Variants in CPQ observed in about 807,000 individuals in gnomAD.
CPQ encodes carboxypeptidase Q, also known as Ser-Met dipeptidase.
Under a neutral mutation model 45.7 loss-of-function variants are expected in CPQ, and 37 were observed. The observed-to-expected ratio is 0.81, with a 90% CI of 0.62 to 1.07. The LOEUF (loss-of-function observed/expected upper bound fraction) is 1.07, where lower values mean the gene tolerates loss of function less well. Ranked by LOEUF, CPQ falls within the 50% of genes least tolerant of loss-of-function variation. CPQ has a pLI of 0.00. For synonymous variants in CPQ, 186 were observed against 205.8 expected (o/e 0.90, Z 0.82); for missense variants, 537 against 572.9 (o/e 0.94, Z 0.64).
chr8:96,756,608 TC>T (rs1241340417), intron 1 of CPQ, among the ~76,000 whole-genome samples: 7 of 152,142 alleles, frequency 4.6e-5, no homozygotes, highest in Non-Finnish European at 1.5e-5. Flanking sequence ...ATGGATTTTC[TC>T]TTTCTATTTT....
chr8:96,980,685 T>A (rs1407786472), intron 5 of CPQ, among the ~76,000 whole-genome samples: 2 of 152,128 alleles, frequency 1.3e-5, no homozygotes, highest in Admixed American at 1.3e-4. Context: ...AAAGTTCAGC[T>A]TGGTCAGGGG....
intron 5 of CPQ, among the ~76,000 whole-genome samples, chr8:96,976,535 T>C (rs1813790596): frequency 6.6e-6 from 1 of 152,044 alleles, no homozygotes; most frequent in African/African-American, 2.4e-5. Context: ...AGAGCCCGCA[T>C]AGCCAAAGCA....
chr8:97,131,535 T>G (rs571187085), intron 7 of CPQ, among the ~76,000 whole-genome samples: 2 of 152,314 alleles, frequency 1.3e-5, no homozygotes, highest in South Asian at 4.1e-4. Context: ...ACCTTGACCC[T>G]GTGATATCTG....
At chr8:96,927,503 T>C (rs1563531148) in intron 4 of CPQ, among the ~76,000 whole-genome samples, 2 of 152,152 alleles carry the variant, frequency 1.3e-5, no homozygotes, top group Admixed American at 6.6e-5. Context: ...AGGGGCTCCA[T>C]TCACATTATT....
At chr8:96,969,564 G>A (rs1015740079) in intron 5 of CPQ, among the ~76,000 whole-genome samples, 2 of 151,502 alleles carry the variant, frequency 1.3e-5, no homozygotes, top group Admixed American at 6.6e-5. Context: ...CTTTCATAAA[G>A]ATAAATAGAA....
chr8:97,134,565 C>G (rs1043326971), intron 7 of CPQ, among the ~76,000 whole-genome samples: 25 of 152,262 alleles, frequency 1.6e-4, no homozygotes, highest in Admixed American at 9.2e-4. Context: ...TCCAGGATAC[C>G]TCCGACCCAA....
Position 96,992,354 on chromosome 8 carries a change from C to T in CPQ, c.961+26308C>T, listed in dbSNP as rs376611481. Among the ~76,000 whole-genome samples, 32 of 152,218 alleles carry T rather than the reference C, an allele frequency of 2.1e-4. 1 individual carries two copies. The East Asian group carries it at 3.5e-3, about 17-fold the overall frequency. On this transcript the variant is annotated intron_variant, in intron 5 of 7. Transcript: ENST00000220763. The stretch of plus-strand genomic sequence containing the variant: ...ACTGAGGAGAAAGCAGGGCCTTTAG[C>T]ATCAGACAGGTCTACTTTTGGAAGC...
intron 7 of CPQ, among the ~76,000 whole-genome samples, chr8:97,122,418 C>A (rs1435541176): frequency 1.3e-5 from 2 of 151,962 alleles, no homozygotes; most frequent in Non-Finnish European, 2.9e-5. Context: ...ACCTAGAATT[C>A]TATAATCAGC....
At chr8:96,740,300 G>A (rs1023677808) in intron 1 of CPQ, among the ~76,000 whole-genome samples, 1 of 152,106 alleles carries the variant, frequency 6.6e-6, no homozygotes, top group African/African-American at 2.4e-5. Context: ...TGTGATTTTT[G>A]TACCTTGATT....
chr8:97,089,509 GT>G (rs777041019), intron 7 of CPQ, among the ~76,000 whole-genome samples: 2 of 152,010 alleles, frequency 1.3e-5, no homozygotes, highest in Non-Finnish European at 2.9e-5. Context: ...TTTTCTATTA[GT>G]ACAGGAATCC....
At chr8:96,681,527 A>T (rs117624171) in intron 1 of CPQ, among the ~76,000 whole-genome samples, 7,561 of 152,334 alleles carry the variant, frequency 0.05, 252 homozygotes, top group Middle Eastern at 0.12. Context: ...GCCTGGCTGC[A>T]CAGGCAGAAG....
chr8:96,925,355 A>G (rs1418684281), intron 4 of CPQ, among the ~76,000 whole-genome samples: 1 of 150,982 alleles, frequency 6.6e-6, no homozygotes. Context: ...GATTTAAACC[A>G]GAGCCTTTGG....
intron 4 of CPQ, among the ~76,000 whole-genome samples, chr8:96,947,895 C>T (rs770705533): frequency 4.6e-5 from 7 of 152,044 alleles, no homozygotes; most frequent in Non-Finnish European, 1.0e-4. Flanking sequence ...ACCCGGAAAC[C>T]CTGCTTCAAA....
chr8:96,840,271 G>T (rs1811589200), intron 3 of CPQ, among the ~76,000 whole-genome samples: 1 of 152,188 alleles, frequency 6.6e-6, no homozygotes, highest in Non-Finnish European at 1.5e-5. Flanking sequence ...CTCCTAGGGG[G>T]TCAGAGAAAT....
intron 4 of CPQ, among the ~76,000 whole-genome samples, chr8:96,880,431 T>C (rs935518853): frequency 1.3e-5 from 2 of 150,928 alleles, no homozygotes; most frequent in African/African-American, 4.9e-5. Flanking sequence ...CTCACATGTT[T>C]ATTGCAGCAC....
intron 6 of CPQ, among the ~76,000 whole-genome samples, chr8:97,037,908 CTT>C (rs1470048467): frequency 6.6e-6 from 1 of 152,150 alleles, no homozygotes; most frequent in East Asian, 1.9e-4. Flanking sequence ...CAACTCATCT[CTT>C]TGCTTTATCG....
intron 7 of CPQ, among the ~76,000 whole-genome samples, chr8:97,081,688 C>T (rs562195154): frequency 6.6e-6 from 1 of 152,230 alleles, no homozygotes; most frequent in African/African-American, 2.4e-5. Flanking sequence ...GAAGCCCTAG[C>T]GATAGTGGCT....
chr8:96,751,516 C>A (rs958510346), intron 1 of CPQ, among the ~76,000 whole-genome samples: 3 of 152,066 alleles, frequency 2.0e-5, no homozygotes, highest in East Asian at 3.9e-4. Context: ...TGTTTAAGTT[C>A]TTTGTAGATT....
intron 7 of CPQ, among the ~76,000 whole-genome samples, chr8:97,071,772 T>C (rs1810747786): frequency 6.6e-6 from 1 of 152,188 alleles, no homozygotes; most frequent in African/African-American, 2.4e-5. Context: ...AGTAAGGGGA[T>C]GATGTTTTTA....
Sources: allele counts gnomAD v4.1 joint callset (sites outside exome capture counted in the v4.1 genomes callset), GRCh38; gene constraint gnomAD v4.1.1; transcripts MANE v1.5; gene names NCBI Gene and HGNC (gene_info 2026-07-23, HGNC 2026-07-21).